Variants in ZNF808 observed in about 807,000 individuals in gnomAD.
ZNF808 encodes the protein zinc finger protein 808.
ZNF808 carries 5 observed loss-of-function variants against 8.7 expected under a neutral mutation model. That is an observed-to-expected ratio of 0.58 (90% CI 0.30 to 1.21). The LOEUF is 1.21. Among genes scored for constraint, ZNF808 ranks in the 50% most tolerant of loss-of-function variants. The probability of loss-of-function intolerance (pLI) is 0.07; values close to 1 mark genes in which losing one functional copy is unlikely to be tolerated. For missense variants in ZNF808, 1,103 were observed against 1,098.4 expected (o/e 1.00, Z -0.06); for synonymous variants, 380 against 366.0 (o/e 1.04, Z -0.44).
At chr19:52,548,277 T>C (rs1296289848) in intron 4 of ZNF808, among the ~76,000 whole-genome samples, 1 of 152,192 alleles carries the variant, frequency 6.6e-6, no homozygotes, top group Non-Finnish European at 1.5e-5. Context: ...AGAAAACCTA[T>C]GTTCAGTTTG....
intron 2 of ZNF808, among the ~76,000 whole-genome samples, chr19:52,538,803 G>T (rs1203912151): frequency 5.3e-5 from 8 of 152,162 alleles, no homozygotes; most frequent in Non-Finnish European, 8.8e-5. Flanking sequence ...CAGATGAGTG[G>T]TGAGTTGATT....
At chr19:52,562,158 A>G (rs1378560398) in intron 3 of ZNF808, among the ~76,000 whole-genome samples, 1 of 152,070 alleles carries the variant, frequency 6.6e-6, no homozygotes, top group Non-Finnish European at 1.5e-5. Flanking sequence ...CTGGTGGATC[A>G]CCTGAGGTCA....
intron 2 of ZNF808, among the ~76,000 whole-genome samples, chr19:52,536,762 G>A (rs537335458): frequency 1.5e-3 from 231 of 152,286 alleles, no homozygotes; most frequent in Non-Finnish European, 2.5e-3. Flanking sequence ...TGGGGTGCTA[G>A]AGAGTGGGGA....
In ZNF808 at chr19:52,543,876, G is replaced by A. The variant is rs1191857998; in HGVS notation, c.63+529G>A. Among the ~76,000 whole-genome samples, 3 of 150,896 alleles carry A rather than the reference G, an allele frequency of 2.0e-5. No individual in the cohort carries two copies. The East Asian group carries it at 5.8e-4, about 29-fold the overall frequency. On this transcript the variant is annotated intron_variant, in intron 3 of 4. Transcript: ENST00000359798. Reference sequence around the variant, plus strand: ...TTTTTTTTTTAAGAGACAAGATGTTGGTCCCAGTGCAGTGGCTTACACCTG... The same window carrying A: ...TTTTTTTTTTAAGAGACAAGATGTTAGTCCCAGTGCAGTGGCTTACACCTG...
At chr19:52,536,293 C>T (rs1399534318) in intron 2 of ZNF808, among the ~76,000 whole-genome samples, 7 of 152,144 alleles carry the variant, frequency 4.6e-5, no homozygotes, top group Admixed American at 2.0e-4. Context: ...CTTAGTTTTC[C>T]TGGTCAAAAC....
chr19:52,529,002 GAAAGA>G (rs966468060), intron 1 of ZNF808, among the ~76,000 whole-genome samples: 5 of 151,778 alleles, frequency 3.3e-5, no homozygotes, highest in African/African-American at 1.2e-4. Flanking sequence ...ATCCCAGGGA[GAAAGA>G]AAAGAAAACA....
At chr19:52,564,973 C>G (rs2059869581), downstream of ZNF808, among the ~76,000 whole-genome samples, 1 of 152,124 alleles carries the variant, frequency 6.6e-6, no homozygotes, top group Non-Finnish European at 1.5e-5. Context: ...ATAGTCCCAG[C>G]TACTCGGGAG....
intron 4 of ZNF808, among the ~76,000 whole-genome samples, chr19:52,549,330 C>G (rs995754905): frequency 6.6e-6 from 1 of 152,102 alleles, no homozygotes; most frequent in Non-Finnish European, 1.5e-5. Context: ...GATCCTTGTT[C>G]ACCCCCATGG....
At chr19:52,556,937 A>G (rs1322372502), downstream of ZNF808, among the ~76,000 whole-genome samples, 1 of 151,954 alleles carries the variant, frequency 6.6e-6, no homozygotes, top group Non-Finnish European at 1.5e-5. Flanking sequence ...GTGGCATAGA[A>G]TGCTCCTCCA....
chr19:52,554,502 A>G lies in ZNF808; in HGVS notation c.1586A>G (p.His529Arg). ...TFRHRASLVY[H>R]RRLHTLEKSY... ...CGTCACCGGGCATCCCTTGTATACCATCGTAGACTTCACACTCTAGAGAAA... is the reference window on the plus strand; with the variant it reads ...CGTCACCGGGCATCCCTTGTATACCGTCGTAGACTTCACACTCTAGAGAAA... The change falls in exon 5 of 5, where the codon CAT becomes CGT. Residue 529 changes from histidine (H) to arginine (R), a missense_variant. By Grantham distance (29) the His-to-Arg change is conservative (BLOSUM62 0). Transcript: ENST00000359798. 6.2e-7 allele frequency: 1 copy of G among 1,614,174 alleles called. No homozygotes were observed. The highest frequency in any genetic ancestry group is 8.5e-7 in the Non-Finnish European group (1 of 1,180,022).
In ZNF808 at chr19:52,555,619, A is replaced by G. The variant is rs373600710; in HGVS notation, c.2703A>G (p.Lys901=). Residue 901 remains lysine, a synonymous_variant, in exon 5 of 5, where the codon AAA becomes AAG. Coordinates refer to ENST00000359798, the MANE Select transcript of ZNF808 (RefSeq NM_001039886.4). ...IHHQAIHGIG[K]FD is the part of the protein sequence containing the mutation. The stretch of plus-strand genomic sequence containing the variant: ...ATCAGGCAATTCATGGTATAGGGAA[A>G]TTTGATTAATATAATGATTGTCACA... The G allele has an allele frequency of 7.5e-6, 12 of 1,595,982 alleles. No homozygotes were observed. The highest frequency in any genetic ancestry group is 5.2e-5 in the Admixed American group (3 of 57,610).
chr19:52,558,264 C>G (rs974871861), downstream of ZNF808, among the ~76,000 whole-genome samples: 4 of 150,640 alleles, frequency 2.7e-5, no homozygotes, highest in Admixed American at 2.7e-4. Context: ...TTAGTAGAGG[C>G]GGGGTTTCAC....
intron 2 of ZNF808, among the ~76,000 whole-genome samples, chr19:52,541,453 G>C (rs2608513): frequency 6.6e-6 from 1 of 151,622 alleles, no homozygotes; most frequent in Non-Finnish European, 1.5e-5. Context: ...TCAGCCACAT[G>C]TCCTTCCTCC....
intron 1 of ZNF808, among the ~76,000 whole-genome samples, chr19:52,532,674 C>T (rs1358101659): frequency 6.6e-6 from 1 of 152,046 alleles, no homozygotes; most frequent in Non-Finnish European, 1.5e-5. Flanking sequence ...ATGTTTGTGC[C>T]CTGTCAGCGT....
chr19:52,543,179 G>A (rs2059688764), intron 2 of ZNF808, 87 bp from the exon 3 acceptor site: 6 of 1,401,888 alleles, frequency 4.3e-6, no homozygotes, highest in Non-Finnish European at 5.9e-6. Flanking sequence ...TCTTTCTACA[G>A]GGTGACATCT....
At chr19:52,539,839 C>A (rs606914) in intron 2 of ZNF808, among the ~76,000 whole-genome samples, 16 of 151,376 alleles carry the variant, frequency 1.1e-4, no homozygotes, top group Non-Finnish European at 2.2e-4. Flanking sequence ...AGGTATGAGC[C>A]GCTGCGCCCG....
chr19:52,556,122 C>G lies in ZNF808; in HGVS notation c.*494C>G, dbSNP rs2059833879. On this transcript the variant is annotated 3_prime_UTR_variant, in exon 5 of 5. Coordinates refer to ENST00000359798, the MANE Select transcript of ZNF808 (RefSeq NM_001039886.4). ...CAGCATTGACTTGAGTTTGTGTTGA[C>G]TTAACATTGAGTTCAAGCCTTAATT... 5 of 395,676 alleles carry G rather than the reference C, an allele frequency of 1.3e-5. No homozygotes were observed. In the Admixed American group the frequency reaches 1.8e-4, roughly 14 times the overall value. The allele number at this position is 395,676 out of a possible 1,614,324, so 24.5% of individuals were successfully genotyped here. A position where few individuals can be genotyped will look rare whatever the true frequency, so the allele number is the denominator to read the frequency against.
intron 1 of ZNF808, among the ~76,000 whole-genome samples, chr19:52,530,494 T>C (rs2059551819): frequency 6.6e-6 from 1 of 151,616 alleles, no homozygotes; most frequent in African/African-American, 2.4e-5. Flanking sequence ...AAACTCAATC[T>C]CTACTAAAAA....
chr19:52,533,257 G>A lies in ZNF808; in HGVS notation c.-20+248G>A, dbSNP rs112484666. On this transcript the variant is annotated intron_variant, in intron 2 of 4. Transcript: ENST00000359798. ...TCCTTTCCAACGGAGACACAGTTTC[G>A]CTCTTGTTGCCCAGGCTGGAGTTAA... Among the ~76,000 whole-genome samples, 468 of 151,590 alleles carry A rather than the reference G, an allele frequency of 3.1e-3. 3 individuals are homozygous for A. Among genetic ancestry groups the A allele is most frequent in the African/African-American group, 9.4e-3 (390 of 41,276 alleles).
Sources: gnomAD v4.1 joint callset for allele counts (sites outside exome capture counted in the v4.1 genomes callset) on GRCh38, gnomAD v4.1.1 for gene constraint, MANE v1.5 for transcripts, NCBI Gene and HGNC (gene_info 2026-07-23, HGNC 2026-07-21) for gene names.